The following RSRC1 variants were observed in gnomAD, a reference collection of about 807,000 sequenced individuals.
The protein encoded by RSRC1 is arginine and serine rich coiled-coil 1.
Under a neutral mutation model 49.1 loss-of-function variants are expected in RSRC1, and 39 were observed. That is an observed-to-expected ratio of 0.79 (90% CI 0.61 to 1.04). The LOEUF is 1.04. RSRC1 is among the 50% of genes least tolerant of loss of function. The probability of loss-of-function intolerance (pLI) is 0.00; values close to 1 mark genes in which losing one functional copy is unlikely to be tolerated. For missense variants in RSRC1, 388 were observed against 402.4 expected (o/e 0.96, Z 0.31); for synonymous variants, 143 against 130.8 (o/e 1.09, Z -0.63).
rs1452849483 is a variant in RSRC1, at chr3:158,518,126, G to GTGTA, written c.653-18965_653-18964insGTAT. 3.8e-4 allele frequency among the ~76,000 whole-genome samples: 26 copies of GTGTA among 68,848 alleles called. 1 individual carries two copies. The highest frequency in any genetic ancestry group is 4.6e-4 in the South Asian group (1 of 2,190). The allele number at this position is 68,848 out of a possible 152,430, so 45.2% of individuals were successfully genotyped here. A position where few individuals can be genotyped will look rare whatever the true frequency, so the allele number is the denominator to read the frequency against. On this transcript the variant is annotated intron_variant, in intron 7 of 9. Coordinates refer to ENST00000611884, the MANE Select transcript of RSRC1 (RefSeq NM_001271838.2). ...TGTGTGTGTGTGTGTGTGTGTGTGT[G>GTGTA]TATATATATATATATATATATATTT... is the stretch of plus-strand genomic sequence containing the variant.
chr3:158,226,195 A>G (rs1411845350), intron 4 of RSRC1, among the ~76,000 whole-genome samples: 1 of 152,064 alleles, frequency 6.6e-6, no homozygotes, highest in Non-Finnish European at 1.5e-5. Context: ...AACTAATATT[A>G]AAGAGTTATT....
chr3:158,409,352 C>A (rs1158022938), intron 6 of RSRC1, among the ~76,000 whole-genome samples: 1 of 152,104 alleles, frequency 6.6e-6, no homozygotes, highest in African/African-American at 2.4e-5. Context: ...TATAAAGAGT[C>A]CAGCAAGTCA....
At chr3:158,538,956 AT>A (rs1389508804) in intron 8 of RSRC1, among the ~76,000 whole-genome samples, 3 of 151,996 alleles carry the variant, frequency 2.0e-5, no homozygotes, top group African/African-American at 7.2e-5. Flanking sequence ...TAAAATATCT[AT>A]ATCTGCAATA....
chr3:158,162,847 T>A (rs1718313789), intron 3 of RSRC1, among the ~76,000 whole-genome samples: 1 of 151,982 alleles, frequency 6.6e-6, no homozygotes, highest in South Asian at 2.1e-4. Context: ...AGGAAGAGAG[T>A]GGAAAAGTTA....
At chr3:158,478,153 C>T (rs1368993147) in intron 7 of RSRC1, among the ~76,000 whole-genome samples, 1 of 151,718 alleles carries the variant, frequency 6.6e-6, no homozygotes, top group East Asian at 1.9e-4. Context: ...TCTTATCACT[C>T]CTACCACTTT....
chr3:158,374,250 A>G (rs1732233684), intron 6 of RSRC1, among the ~76,000 whole-genome samples: 1 of 152,120 alleles, frequency 6.6e-6, no homozygotes, highest in African/African-American at 2.4e-5. Flanking sequence ...ATTTATATGT[A>G]ATGCAATTCA....
At chr3:158,469,994 G>A (rs1295227995) in intron 7 of RSRC1, among the ~76,000 whole-genome samples, 12 of 152,026 alleles carry the variant, frequency 7.9e-5, no homozygotes, top group South Asian at 2.1e-4. Flanking sequence ...CAGTTTGAGC[G>A]TGTGAATATT....
chr3:158,536,673 TATATC>T (rs1346841838), intron 7 of RSRC1, among the ~76,000 whole-genome samples: 2 of 151,480 alleles, frequency 1.3e-5, no homozygotes, highest in Non-Finnish European at 3.0e-5. Context: ...TATTTTTAAA[TATATC>T]AGATCCACCC....
At chr3:158,344,101 A>G (rs1247507477) in intron 5 of RSRC1, among the ~76,000 whole-genome samples, 1 of 152,066 alleles carries the variant, frequency 6.6e-6, no homozygotes, top group Non-Finnish European at 1.5e-5. Context: ...TCTACAAAAT[A>G]TAAAAAAATT....
intron 5 of RSRC1, among the ~76,000 whole-genome samples, chr3:158,341,980 C>T (rs139418028): frequency 9.7e-4 from 147 of 152,276 alleles, no homozygotes; most frequent in African/African-American, 3.3e-3. Context: ...TGCATGGGCC[C>T]TGTAACCCCT....
chr3:158,216,692 G>A (rs748912975), intron 4 of RSRC1, among the ~76,000 whole-genome samples: 5 of 151,470 alleles, frequency 3.3e-5, no homozygotes, highest in Admixed American at 6.6e-5. Context: ...TCAAATTATC[G>A]AATCTACCAT....
intron 5 of RSRC1, among the ~76,000 whole-genome samples, chr3:158,350,687 G>A (rs1361778616): frequency 6.6e-6 from 1 of 152,056 alleles, no homozygotes; most frequent in Non-Finnish European, 1.5e-5. Flanking sequence ...GTGACATTAT[G>A]CTCTTAAACA....
intron 7 of RSRC1, among the ~76,000 whole-genome samples, chr3:158,497,608 TGTATTTTTA>T (rs1407006394): frequency 6.6e-6 from 1 of 151,886 alleles, no homozygotes; most frequent in Non-Finnish European, 1.5e-5. Context: ...AACTAATTTT[TGTATTTTTA>T]GTAGAGATGT....
intron 6 of RSRC1, among the ~76,000 whole-genome samples, chr3:158,367,393 T>A (rs144036138): frequency 0.019 from 2,908 of 152,316 alleles, 75 homozygotes; most frequent in African/African-American, 0.067. Flanking sequence ...ATTCAAATAA[T>A]CATGTGGTTT....
intron 5 of RSRC1, among the ~76,000 whole-genome samples, chr3:158,350,811 T>G (rs961421230): frequency 6.6e-6 from 1 of 152,160 alleles, no homozygotes; most frequent in African/African-American, 2.4e-5. Context: ...TTAATACCAT[T>G]TACGAATTTT....
At chr3:158,470,164 C>T (rs1368422074) in intron 7 of RSRC1, among the ~76,000 whole-genome samples, 1 of 151,796 alleles carries the variant, frequency 6.6e-6, no homozygotes, top group African/African-American at 2.4e-5. Flanking sequence ...AAGATTTTAT[C>T]CCCAAAAAAG....
At chr3:158,305,621 A>G (rs539311662) in intron 5 of RSRC1, among the ~76,000 whole-genome samples, 1 of 152,240 alleles carries the variant, frequency 6.6e-6, no homozygotes, top group Non-Finnish European at 1.5e-5. Context: ...AACTAGCAAC[A>G]GGGACAACAA....
chr3:158,122,894 A>G (rs1451804927), intron 2 of RSRC1, among the ~76,000 whole-genome samples: 1 of 152,198 alleles, frequency 6.6e-6, no homozygotes, highest in Non-Finnish European at 1.5e-5. Context: ...CTATGTGCCT[A>G]CAAAGGATGT....
At chr3:158,377,770 C>T (rs1045462215) in intron 6 of RSRC1, among the ~76,000 whole-genome samples, 5 of 151,986 alleles carry the variant, frequency 3.3e-5, no homozygotes, top group African/African-American at 7.3e-5. Context: ...AGTGATTCTC[C>T]TGCCTCAGCC....
Sources: allele counts gnomAD v4.1 joint callset (sites outside exome capture counted in the v4.1 genomes callset), GRCh38; gene constraint gnomAD v4.1.1; transcripts MANE v1.5; gene names NCBI Gene and HGNC (gene_info 2026-07-23, HGNC 2026-07-21).